The following CLVS1 variants were observed in gnomAD, a reference collection of about 807,000 sequenced individuals.
CLVS1 encodes the protein clavesin 1.
Under a neutral mutation model 33.1 loss-of-function variants are expected in CLVS1, and 10 were observed. That is an observed-to-expected ratio of 0.30 (90% CI 0.19 to 0.51). The LOEUF is 0.51. Ranked by LOEUF, CLVS1 falls within the 20% of genes least tolerant of loss-of-function variation. The pLI is 0.97. For missense variants in CLVS1, 343 were observed against 433.4 expected (o/e 0.79, Z 1.85); for synonymous variants, 163 against 166.1 (o/e 0.98, Z 0.14).
At chr8:61,491,138 A>G (rs925013600) in intron 5 of CLVS1, among the ~76,000 whole-genome samples, 1 of 152,174 alleles carries the variant, frequency 6.6e-6, no homozygotes, top group Non-Finnish European at 1.5e-5. Context: ...AGACTATTTG[A>G]ACAAATTAAC....
the CLVS1 span, among the ~76,000 whole-genome samples, chr8:60,990,601 TA>T: frequency 6.6e-6 from 1 of 152,122 alleles, no homozygotes; most frequent in Non-Finnish European, 1.5e-5. Context: ...AAATTAAAAG[TA>T]AAAAATTTGA....
At chr8:60,990,079 C>T in the CLVS1 span, among the ~76,000 whole-genome samples, 3 of 132,838 alleles carry the variant, frequency 2.3e-5, no homozygotes, top group Non-Finnish European at 4.6e-5. Flanking sequence ...GAGCCGAGAT[C>T]GCGTCACTGC....
chr8:61,409,708 G>A (rs79136956), intron 3 of CLVS1, among the ~76,000 whole-genome samples: 7,759 of 152,198 alleles, frequency 0.051, 334 homozygotes, highest in East Asian at 0.22. Flanking sequence ...TGCAATTTGG[G>A]TAAGTCCATG....
intron 2 of CLVS1, among the ~76,000 whole-genome samples, chr8:61,366,849 A>G (rs552596834): frequency 1.6e-4 from 25 of 152,286 alleles, no homozygotes; most frequent in African/African-American, 6.0e-4. Flanking sequence ...CATTTGGTAG[A>G]CACTACCAGC....
At chr8:61,298,702 A>T (rs547417985) in intron 1 of CLVS1, among the ~76,000 whole-genome samples, 1 of 152,316 alleles carries the variant, frequency 6.6e-6, no homozygotes, top group East Asian at 1.9e-4. Flanking sequence ...CTGATTTTGG[A>T]AACTTCCAGG....
intron 5 of CLVS1, among the ~76,000 whole-genome samples, chr8:61,479,288 A>T (rs917439514): frequency 1.3e-5 from 2 of 151,932 alleles, no homozygotes; most frequent in Admixed American, 1.3e-4. Flanking sequence ...TTCTTTTTTT[A>T]TTCTTTTTTC....
chr8:61,204,734 T>C (rs1807804998), intron 2 of CLVS1, among the ~76,000 whole-genome samples: 1 of 152,224 alleles, frequency 6.6e-6, no homozygotes, highest in Non-Finnish European at 1.5e-5. Flanking sequence ...TTCATTAAGC[T>C]CTCACAGGTC....
At chr8:61,195,433 T>C (rs1031604459) in intron 2 of CLVS1, among the ~76,000 whole-genome samples, 4 of 152,034 alleles carry the variant, frequency 2.6e-5, no homozygotes, top group Non-Finnish European at 5.9e-5. Flanking sequence ...TCTTACTTAA[T>C]ATATTGTAGT....
At chr8:61,079,751 G>T (rs539087762) in intron 1 of CLVS1, among the ~76,000 whole-genome samples, 1 of 151,058 alleles carries the variant, frequency 6.6e-6, no homozygotes, top group African/African-American at 2.4e-5. Flanking sequence ...TTACATTTTA[G>T]AAAGTAGTCC....
intron 2 of CLVS1, among the ~76,000 whole-genome samples, chr8:61,267,296 A>G (rs1035232014): frequency 6.6e-6 from 1 of 151,700 alleles, no homozygotes; most frequent in African/African-American, 2.4e-5. Flanking sequence ...TAAGTTTTTC[A>G]TTTTTCAATT....
intron 1 of CLVS1, chr8:61,292,522 A>G: frequency 2.6e-6 from 1 of 391,316 alleles, no homozygotes; most frequent in Non-Finnish European, 5.1e-6. Context: ...TCTTAGAGAA[A>G]TACTCTTTCC....
chr8:61,206,690 G>A (rs1483380510), intron 2 of CLVS1, among the ~76,000 whole-genome samples: 2 of 150,504 alleles, frequency 1.3e-5, no homozygotes, highest in African/African-American at 4.9e-5. Context: ...CAGGGTTCAC[G>A]CCATTCTCCT....
At chr8:61,073,108 C>A (rs578050986) in intron 1 of CLVS1, among the ~76,000 whole-genome samples, 37 of 152,298 alleles carry the variant, frequency 2.4e-4, no homozygotes, top group South Asian at 1.2e-3. Flanking sequence ...AAATTTCTTA[C>A]TACACTCCTT....
chr8:61,297,787 C>T (rs1248379144), intron 1 of CLVS1, among the ~76,000 whole-genome samples: 1 of 151,944 alleles, frequency 6.6e-6, no homozygotes, highest in African/African-American at 2.4e-5. Flanking sequence ...GGCTAGGTGA[C>T]AAATCAAGGG....
At chr8:61,056,028 A>C (rs1340800128), upstream of CLVS1, among the ~76,000 whole-genome samples, 1 of 152,204 alleles carries the variant, frequency 6.6e-6, no homozygotes. Flanking sequence ...TATGGTGCAC[A>C]CTTGGGATTG....
intron 2 of CLVS1, among the ~76,000 whole-genome samples, chr8:61,338,130 C>A (rs774079574): frequency 1.3e-5 from 2 of 152,128 alleles, no homozygotes; most frequent in Non-Finnish European, 2.9e-5. Context: ...TGGAGCCCAG[C>A]GCGATCCATC....
the CLVS1 span, among the ~76,000 whole-genome samples, chr8:61,016,305 C>T: frequency 1.3e-5 from 2 of 152,210 alleles, no homozygotes; most frequent in Admixed American, 1.3e-4. Context: ...GGGTACTCAA[C>T]CTGTAGCACA....
intron 2 of CLVS1, among the ~76,000 whole-genome samples, chr8:61,214,666 C>T (rs531908629): frequency 6.6e-6 from 1 of 152,290 alleles, no homozygotes; most frequent in Admixed American, 6.5e-5. Flanking sequence ...TTAAGCTGCC[C>T]AGTTTGTGGT....
intron 1 of CLVS1, among the ~76,000 whole-genome samples, chr8:61,085,728 CA>C (rs57456582): frequency 0.011 from 1,236 of 115,028 alleles, 14 homozygotes; most frequent in African/African-American, 0.027. Context: ...CCATCCCTAC[CA>C]AAAAAAAAAA....
Sources: gnomAD v4.1 joint callset for allele counts (sites outside exome capture counted in the v4.1 genomes callset) on GRCh38, gnomAD v4.1.1 for gene constraint, MANE v1.5 for transcripts, NCBI Gene and HGNC (gene_info 2026-07-23, HGNC 2026-07-21) for gene names.